The following ANKRD28 variants were observed in gnomAD, a reference collection of about 807,000 sequenced individuals.
The protein encoded by ANKRD28 is serine/threonine-protein phosphatase 6 regulatory ankyrin repeat subunit A.
In ANKRD28, 44 loss-of-function variants were observed where a neutral mutation model predicts 126.5. The ratio of observed to expected loss-of-function variants is 0.35; its 90% CI spans 0.27 to 0.45. The LOEUF (loss-of-function observed/expected upper bound fraction) is 0.45, where lower values mean the gene tolerates loss of function less well. Ranked by LOEUF, ANKRD28 falls within the 20% of genes least tolerant of loss-of-function variation. The pLI is 1.00. For missense variants in ANKRD28, 1,110 were observed against 1,316.6 expected (o/e 0.84, Z 2.43); for synonymous variants, 442 against 468.5 (o/e 0.94, Z 0.73).
At chr3:15,691,190 T>G (rs999100193) in intron 17 of ANKRD28, among the ~76,000 whole-genome samples, 19 of 151,168 alleles carry the variant, frequency 1.3e-4, no homozygotes, top group African/African-American at 4.1e-4. Flanking sequence ...TGGCACAATC[T>G]CAGCTCACTG....
chr3:15,841,593 TA>T, intron 1 of ANKRD28, among the ~76,000 whole-genome samples: 1 of 152,004 alleles, frequency 6.6e-6, no homozygotes, highest in East Asian at 1.9e-4. Flanking sequence ...AAAAAAAACC[TA>T]ATAACCCAAT....
At position 15,814,798 on chromosome 3, in the gene ANKRD28, A is replaced by T. The variant is rs2060799223; in HGVS notation, c.28-19492T>A. On this transcript the variant is annotated intron_variant, in intron 1 of 27. Coordinates refer to the ANKRD28 transcript ENST00000399451. The surrounding 1 kb of genome is among the most constrained non-coding windows in gnomAD (Gnocchi z 4.7). ...TATACGCTTTTTGAATATGTAGAAC[A>T]TACTCATTTCAGTAATACATAAATT... is the stretch of plus-strand genomic sequence containing the variant. Among the ~76,000 whole-genome samples, 1 of 151,770 alleles carries T rather than the reference A, an allele frequency of 6.6e-6. No homozygotes were observed. Among genetic ancestry groups the T allele is most frequent in the Non-Finnish European group, 1.5e-5 (1 of 67,918 alleles).
Position 15,679,559 on chromosome 3 carries a change from G to A in ANKRD28, c.2394C>T (p.His798=), listed in dbSNP as rs192618777. 6.1e-5 allele frequency: 99 copies of A among 1,609,808 alleles called. No individual in the cohort carries two copies. Among genetic ancestry groups the A allele is most frequent in the African/African-American group, 2.7e-4 (20 of 74,970 alleles). ...CTAAAAGCAGTTCTACACATGTCTC[G>A]TGACCTAAATAGGTGTAAAGAACCA... ...TALHWACYNG[H]ETCVELLLEQ... is the part of the protein sequence containing the mutation. Residue 798 remains histidine, a synonymous_variant, in exon 22 of 28, where the codon CAC becomes CAT. Transcript: ENST00000683139.
chr3:15,689,961 A>G, intron 18 of ANKRD28, 58 bp downstream of exon 18: 1 of 1,428,510 alleles, frequency 7.0e-7, no homozygotes, highest in African/African-American at 1.4e-5. Flanking sequence ...TATATCAGAA[A>G]TTGAAAAAAA....
intron 3 of ANKRD28, among the ~76,000 whole-genome samples, chr3:15,765,466 C>T (rs1464053732): frequency 6.6e-6 from 1 of 152,106 alleles, no homozygotes; most frequent in Non-Finnish European, 1.5e-5. Context: ...TTGCTATAAA[C>T]CACCGTTACC....
At chr3:15,730,111 C>T (rs1476399664) in intron 6 of ANKRD28, among the ~76,000 whole-genome samples, 5 of 152,154 alleles carry the variant, frequency 3.3e-5, no homozygotes, top group African/African-American at 7.2e-5. Context: ...CCACCTCAGC[C>T]TCCCAAGTTG....
At chr3:15,751,860 T>G in intron 3 of ANKRD28, 40 bp from the exon 4 acceptor site, 1 of 1,300,236 alleles carries the variant, frequency 7.7e-7, no homozygotes, top group Non-Finnish European at 1.1e-6. Context: ...ATATTGTACA[T>G]AAAATATTTT....
At chr3:15,847,899 T>G (rs1050074904) in intron 1 of ANKRD28, among the ~76,000 whole-genome samples, 2 of 152,198 alleles carry the variant, frequency 1.3e-5, no homozygotes, top group Admixed American at 1.3e-4. Context: ...ATGATTGCTT[T>G]CAGAATAAAG....
chr3:15,765,947 T>C (rs969481565), intron 3 of ANKRD28, among the ~76,000 whole-genome samples: 1 of 151,930 alleles, frequency 6.6e-6, no homozygotes. Flanking sequence ...AAAGCACTCA[T>C]CATCATTTAA....
chr3:15,749,823 T>C (rs1042670096), intron 4 of ANKRD28, among the ~76,000 whole-genome samples: 3 of 152,188 alleles, frequency 2.0e-5, no homozygotes, highest in African/African-American at 7.2e-5. Context: ...CTGGGGAATG[T>C]CTGTAAAGAG....
intron 3 of ANKRD28, among the ~76,000 whole-genome samples, chr3:15,758,026 C>T (rs922469947): frequency 1.3e-5 from 2 of 152,112 alleles, no homozygotes; most frequent in Non-Finnish European, 2.9e-5. Flanking sequence ...TTACAGAAAA[C>T]GTTAGCCAAC....
rs758765281 is a variant in ANKRD28, at chr3:15,713,531, C to G, written c.1186G>C (p.Ala396Pro). Residue 396 changes from alanine (A) to proline (P), a missense_variant, in exon 10 of 28, where the codon GCA (alanine) becomes CCA (proline). Ala to Pro is a conservative substitution (Grantham distance 27, BLOSUM62 -1). Coordinates refer to ENST00000683139, the MANE Select transcript of ANKRD28 (RefSeq NM_001349278.2). ...NTLITSGADT[A>P]KRGIHGMFPL... ...AACACCTCGGTAAGTACTTACTTTG[C>G]AGTGTCAGCACCACTTGTAATAAGA... is the stretch of plus-strand genomic sequence containing the variant. 1 of 1,609,860 alleles carries G rather than the reference C, an allele frequency of 6.2e-7. No individual in the cohort carries two copies. Among genetic ancestry groups the G allele is most frequent in the Non-Finnish European group, 8.5e-7 (1 of 1,178,372 alleles).
intron 13 of ANKRD28, among the ~76,000 whole-genome samples, chr3:15,708,617 C>T (rs2071794992): frequency 6.6e-6 from 1 of 152,050 alleles, no homozygotes; most frequent in Admixed American, 6.6e-5. Flanking sequence ...TTAATATAAA[C>T]TGGATTAAAG....
Position 15,797,369 on chromosome 3 carries a change from T to G in ANKRD28, c.-848A>C. 1.0e-6 allele frequency: 1 copy of G among 985,366 alleles called. No individual in the cohort carries two copies. The highest frequency in any genetic ancestry group is 6.1e-5 in the Admixed American group (1 of 16,266). The allele number at this position is 985,366 out of a possible 1,614,324, so 61.0% of individuals were successfully genotyped here. On this transcript the variant is annotated 5_prime_UTR_variant, in exon 1 of 28. It removes an upstream start codon present in the reference 5' UTR. Coordinates refer to ENST00000683139, the MANE Select transcript of ANKRD28 (RefSeq NM_001349278.2). ...AGAAACACAGTTAGCTTTATTCCCATCGATAGCATAAGCAAGGCAGAGCGT... is the reference window on the plus strand; with the variant it reads ...AGAAACACAGTTAGCTTTATTCCCAGCGATAGCATAAGCAAGGCAGAGCGT...
intron 1 of ANKRD28, among the ~76,000 whole-genome samples, chr3:15,847,011 A>G (rs2061544846): frequency 6.6e-6 from 1 of 152,194 alleles, no homozygotes; most frequent in South Asian, 2.1e-4. Context: ...CAAGTTTGGT[A>G]AACAGCAAGC....
chr3:15,760,336 A>G (rs186134578), intron 3 of ANKRD28, among the ~76,000 whole-genome samples: 2 of 152,332 alleles, frequency 1.3e-5, no homozygotes, highest in African/African-American at 4.8e-5. Flanking sequence ...TCCTGAACTT[A>G]AAATTTGGTT....
chr3:15,780,670 A>G (rs2059498297), intron 2 of ANKRD28, among the ~76,000 whole-genome samples: 1 of 152,220 alleles, frequency 6.6e-6, no homozygotes, highest in South Asian at 2.1e-4. Context: ...ATTTCAAAAT[A>G]TATTATAAAG....
At position 15,845,976 on chromosome 3, in the gene ANKRD28, C is replaced by A. The variant is rs1240736884; in HGVS notation, c.27+13401G>T. The stretch of plus-strand genomic sequence containing the variant: ...CCCCTCCTCTGACACATGGAGATTA[C>A]AATTTGAGAAGAAATTTGGGTGGGG... On this transcript the variant is annotated intron_variant, in intron 1 of 27. Transcript: ENST00000399451. This position sits in a 1 kb window ranked among gnomAD's most constrained non-coding sequence, Gnocchi z 4.9. Among the ~76,000 whole-genome samples the A allele has an allele frequency of 6.6e-6, 1 of 152,134 alleles. No individual in the cohort carries two copies. Among genetic ancestry groups the A allele is most frequent in the Non-Finnish European group, 1.5e-5 (1 of 68,012 alleles).
chr3:15,857,624 T>C (rs2061802308), intron 1 of ANKRD28, among the ~76,000 whole-genome samples: 2 of 152,208 alleles, frequency 1.3e-5, no homozygotes, highest in African/African-American at 2.4e-5. Flanking sequence ...CACTGAAGAT[T>C]AATGGATATA....
Sources: gnomAD v4.1 joint callset for allele counts (sites outside exome capture counted in the v4.1 genomes callset) on GRCh38, gnomAD v4.1.1 for gene constraint, Gnocchi (gnomAD v3.1) non-coding constraint, MANE v1.5 for transcripts, NCBI Gene and HGNC (gene_info 2026-07-23, HGNC 2026-07-21) for gene names.